PAICS: variants seen among roughly 807,000 people sequenced by gnomAD.
PAICS encodes bifunctional phosphoribosylaminoimidazole carboxylase/phosphoribosylaminoimidazole succinocarboxamide synthetase.
A neutral mutation model predicts 53.7 loss-of-function variants in PAICS; 33 were observed. That is an observed-to-expected ratio of 0.61 (90% CI 0.47 to 0.82). The LOEUF (loss-of-function observed/expected upper bound fraction) is 0.82. PAICS is among the 40% of genes least tolerant of loss of function. The pLI is 0.00. For missense variants in PAICS, 394 were observed against 494.1 expected, an observed-to-expected ratio of 0.80 and a Z score of 1.92; for synonymous variants, 141 against 167.2, an observed-to-expected ratio of 0.84 and a Z score of 1.21.
the PAICS span, among the ~76,000 whole-genome samples, chr4:56,428,141 A>G: frequency 1.3e-5 from 2 of 152,324 alleles, no homozygotes; most frequent in Middle Eastern, 3.4e-3. Context: ...TGAAGTTATT[A>G]TTGTATTCTT....
chr4:56,450,183 C>A (rs1356938907), intron 5 of PAICS, among the ~76,000 whole-genome samples: 1 of 151,738 alleles, frequency 6.6e-6, no homozygotes, highest in African/African-American at 2.4e-5. Flanking sequence ...GGGTGGGGAG[C>A]AAGGGGAGGG....
chr4:56,443,690 C>T (rs531816070), intron 2 of PAICS, among the ~76,000 whole-genome samples: 2 of 152,252 alleles, frequency 1.3e-5, no homozygotes, highest in South Asian at 2.1e-4. Flanking sequence ...AGTGTATTTT[C>T]TGAGTGTATT....
At chr4:56,422,593 T>C in the PAICS span, 1 of 151,910 alleles carries the variant, frequency 6.6e-6, no homozygotes, top group African/African-American at 2.4e-5. Context: ...AATATTCATA[T>C]ATTGAAGCCT....
At chr4:56,425,162 G>C in the PAICS span, among the ~76,000 whole-genome samples, 20,181 of 152,144 alleles carry the variant, frequency 0.13, 1,492 homozygotes, top group Admixed American at 0.23. Flanking sequence ...CAAAGGGTAC[G>C]CTAAGAATTA....
chr4:56,443,817 G>A (rs1718455164), intron 2 of PAICS, among the ~76,000 whole-genome samples: 1 of 152,108 alleles, frequency 6.6e-6, no homozygotes, highest in Non-Finnish European at 1.5e-5. Flanking sequence ...TGTGATCAGG[G>A]GAACAGGGAA....
chr4:56,426,688 G>A, the PAICS span, among the ~76,000 whole-genome samples: 1 of 152,064 alleles, frequency 6.6e-6, no homozygotes, highest in South Asian at 2.1e-4. Flanking sequence ...ACAGACATTT[G>A]GGTCACTGCC....
the PAICS span, among the ~76,000 whole-genome samples, chr4:56,414,642 T>G: frequency 6.6e-6 from 1 of 152,242 alleles, no homozygotes; most frequent in East Asian, 1.9e-4. Context: ...CTGAAGAGGT[T>G]GGAGAGAGAG....
chr4:56,421,626 G>A, the PAICS span: 1 of 152,210 alleles, frequency 6.6e-6, no homozygotes, highest in African/African-American at 2.4e-5. Context: ...CTGCGTCTAG[G>A]GAAGAGAGGG....
the PAICS span, chr4:56,425,430 A>C: frequency 1.1e-5 from 10 of 934,750 alleles, no homozygotes; most frequent in African/African-American, 1.6e-4. Flanking sequence ...AGACTTACAA[A>C]TGTGAAAAAA....
chr4:56,415,067 C>T, the PAICS span, among the ~76,000 whole-genome samples: 1 of 152,098 alleles, frequency 6.6e-6, no homozygotes, highest in African/African-American at 2.4e-5. Flanking sequence ...TGATAAAGAG[C>T]ATATCTTTTC....
intron 8 of PAICS, among the ~76,000 whole-genome samples, chr4:56,457,731 C>T (rs992067781): frequency 2.7e-5 from 4 of 149,724 alleles, no homozygotes; most frequent in African/African-American, 9.9e-5. Flanking sequence ...AATGGCGCAA[C>T]CTCCGCCTCC....
In PAICS at chr4:56,462,453, C is replaced by T. The variant is rs1719551342; in HGVS notation, c.*2915C>T. 1 of 152,088 alleles carries T rather than the reference C, an allele frequency of 6.6e-6. No homozygotes were observed. 9.4% of individuals were successfully genotyped at this position (152,088 alleles called of 1,614,324 possible). A position where few individuals can be genotyped will look rare whatever the true frequency, so the allele number is the denominator to read the frequency against. ...AAAGGTTCTCTGGCTGTTGTGTGGA[C>T]AAGAGGAGAAGCAGAGATTAGTTAA... On this transcript the variant is annotated 3_prime_UTR_variant, in exon 9 of 9. Transcript: ENST00000512576.
At chr4:56,418,704 A>C in the PAICS span, among the ~76,000 whole-genome samples, 1 of 152,250 alleles carries the variant, frequency 6.6e-6, no homozygotes, top group African/African-American at 2.4e-5. Flanking sequence ...TGTGCTTGTA[A>C]GTTTATAATT....
intron 3 of PAICS, 148 bp downstream of exon 3, chr4:56,447,021 C>T (rs1718656689): frequency 2.3e-6 from 1 of 439,210 alleles, no homozygotes; most frequent in East Asian, 3.4e-5. Flanking sequence ...ATCTAGTTGC[C>T]AATGTCAATA....
At chr4:56,427,392 T>C in the PAICS span, among the ~76,000 whole-genome samples, 11 of 152,258 alleles carry the variant, frequency 7.2e-5, no homozygotes, top group Admixed American at 2.0e-4. Context: ...CTTGGTCATA[T>C]GGCATATGCT....
intron 2 of PAICS, 111 bp from the exon 3 acceptor site, chr4:56,446,584 T>G: frequency 3.0e-6 from 2 of 675,102 alleles, no homozygotes; most frequent in South Asian, 4.0e-5. Flanking sequence ...TACACTTATT[T>G]TTGATAGAGG....
upstream of PAICS, among the ~76,000 whole-genome samples, chr4:56,432,101 G>T (rs1233316805): frequency 6.6e-6 from 1 of 152,142 alleles, no homozygotes; most frequent in East Asian, 1.9e-4. Flanking sequence ...ATATGAAATG[G>T]CTAATATACC....
At chr4:56,435,810 A>AT, upstream of PAICS, 1 of 1,511,822 alleles carries the variant, frequency 6.6e-7, no homozygotes, top group Non-Finnish European at 8.9e-7. Flanking sequence ...AATCTCCGTT[A>AT]TTTTCCAGCA....
the PAICS span, among the ~76,000 whole-genome samples, chr4:56,427,046 T>G: frequency 6.6e-6 from 1 of 152,250 alleles, no homozygotes; most frequent in Non-Finnish European, 1.5e-5. Flanking sequence ...TCTTTAGGGC[T>G]CCTCCATGTT....
Sources: gnomAD v4.1 joint callset for allele counts (sites outside exome capture counted in the v4.1 genomes callset) on GRCh38, gnomAD v4.1.1 for gene constraint, MANE v1.5 for transcripts, NCBI Gene and HGNC (gene_info 2026-07-23, HGNC 2026-07-21) for gene names.